TRPS1: variants seen among roughly 807,000 people sequenced by gnomAD.
TRPS1 encodes zinc finger transcription factor Trps1.
In TRPS1, 6 loss-of-function variants were observed where a neutral mutation model predicts 101.2. That is an observed-to-expected ratio of 0.06 (90% CI 0.03 to 0.12). The LOEUF is 0.12. Among genes scored for constraint, TRPS1 ranks in the 10% least tolerant of loss-of-function variants. The pLI, the probability that TRPS1 is intolerant of heterozygous loss-of-function variation, is 1.00. For synonymous variants in TRPS1, 578 were observed against 589.8 expected (o/e 0.98, Z 0.29); for missense variants, 1,363 against 1,567.0 (o/e 0.87, Z 2.20).
At chr8:115,415,700 G>A (rs1812902919) in intron 6 of TRPS1, among the ~76,000 whole-genome samples, 1 of 152,126 alleles carries the variant, frequency 6.6e-6, no homozygotes, top group Non-Finnish European at 1.5e-5. Context: ...CTATGTGAGG[G>A]CACAGATAGA....
chr8:115,500,570 T>TGTGTG (rs1815291403), intron 5 of TRPS1, among the ~76,000 whole-genome samples: 1 of 152,216 alleles, frequency 6.6e-6, no homozygotes, highest in Non-Finnish European at 1.5e-5. Context: ...TGCCAGTTTA[T>TGTGTG]CACTTGATGT....
chr8:115,649,367 TC>T (rs1811508150), intron 1 of TRPS1, among the ~76,000 whole-genome samples: 1 of 152,192 alleles, frequency 6.6e-6, no homozygotes. Context: ...AGAGGGAGCC[TC>T]AGCTCTTAGG....
intron 5 of TRPS1, among the ~76,000 whole-genome samples, chr8:115,499,925 T>G (rs1815261699): frequency 2.1e-5 from 2 of 95,456 alleles, no homozygotes. Flanking sequence ...ATTTCTTTCT[T>G]TCTTTCTTTC....
intron 1 of TRPS1, among the ~76,000 whole-genome samples, chr8:115,651,182 A>T (rs1358042159): frequency 1.3e-5 from 2 of 152,202 alleles, no homozygotes; most frequent in African/African-American, 4.8e-5. Flanking sequence ...GTAAAGTACA[A>T]GGCTGCCTGT....
chr8:115,449,731 C>G (rs952674087), intron 5 of TRPS1, among the ~76,000 whole-genome samples: 1 of 152,146 alleles, frequency 6.6e-6, no homozygotes, highest in East Asian at 1.9e-4. Context: ...GTTTTCTTAT[C>G]TGCCTGTTTA....
intron 3 of TRPS1, among the ~76,000 whole-genome samples, chr8:115,613,545 T>C (rs534583184): frequency 2.6e-5 from 4 of 152,328 alleles, no homozygotes; most frequent in African/African-American, 9.6e-5. Flanking sequence ...ATCAGTGTGG[T>C]TGTGAAGACA....
At chr8:115,653,806 C>T (rs1418055629) in intron 1 of TRPS1, among the ~76,000 whole-genome samples, 5 of 152,194 alleles carry the variant, frequency 3.3e-5, no homozygotes, top group Non-Finnish European at 5.9e-5. Context: ...CAAATACAGA[C>T]CCTGGACCAG....
At chr8:115,610,645 T>C (rs771496705) in intron 3 of TRPS1, among the ~76,000 whole-genome samples, 32 of 152,192 alleles carry the variant, frequency 2.1e-4, no homozygotes, top group African/African-American at 2.4e-4. Flanking sequence ...ACTGGGCACA[T>C]TGAAGAAGAA....
intron 5 of TRPS1, among the ~76,000 whole-genome samples, chr8:115,431,760 T>C (rs1318099795): frequency 1.3e-5 from 2 of 151,886 alleles, no homozygotes; most frequent in South Asian, 2.1e-4. Flanking sequence ...AATATAAAAA[T>C]AGATATTTGA....
At position 115,418,465 on chromosome 8, in the gene TRPS1, A is replaced by T; in HGVS notation, c.2701-13T>A. ...AGCCTCTACGCCTCTGAAACAGGGGAAAAAAACCAAGGTCAGAGGTGAGTC... is the reference window on the plus strand; with the variant it reads ...AGCCTCTACGCCTCTGAAACAGGGGTAAAAAACCAAGGTCAGAGGTGAGTC... On this transcript the variant is annotated splice_polypyrimidine_tract_variant and intron_variant, in intron 5 of 6. Coordinates refer to ENST00000395715, the MANE Select transcript of TRPS1 (RefSeq NM_014112.5). This position sits in a 1 kb window ranked among gnomAD's most constrained non-coding sequence, Gnocchi z 4.3. 1.2e-6 allele frequency: 2 copies of T among 1,613,990 alleles called. No homozygotes were observed. The highest frequency in any genetic ancestry group is 1.3e-5 in the African/African-American group (1 of 75,030).
intron 5 of TRPS1, among the ~76,000 whole-genome samples, chr8:115,518,273 C>T (rs937846444): frequency 6.6e-6 from 1 of 151,672 alleles, no homozygotes; most frequent in African/African-American, 2.4e-5. Flanking sequence ...AGGAAACTAT[C>T]CTATAACATC....
intron 5 of TRPS1, among the ~76,000 whole-genome samples, chr8:115,475,295 TATATATATA>T (rs1814576336): frequency 8.9e-6 from 1 of 112,956 alleles, no homozygotes; most frequent in African/African-American, 2.8e-5. Flanking sequence ...TATATATATA[TATATATATA>T]TTTGTTATCA....
In TRPS1 at chr8:115,607,489, G is replaced by T. The variant is rs140671788; in HGVS notation, c.967-2487C>A. ...TTCATTATTTAAGAAGCTTTTAAGG[G>T]CTATATATTTTAATTATGCTGAAGA... On this transcript the variant is annotated intron_variant, in intron 3 of 6. Transcript: ENST00000395715. Among the ~76,000 whole-genome samples the T allele has an allele frequency of 6.6e-5, 10 of 151,536 alleles. No individual in the cohort carries two copies. In the East Asian group the frequency reaches 1.9e-3, roughly 29 times the overall value.
intron 5 of TRPS1, among the ~76,000 whole-genome samples, chr8:115,581,587 A>T (rs1817454414): frequency 6.6e-6 from 1 of 151,720 alleles, no homozygotes; most frequent in Non-Finnish European, 1.5e-5. Context: ...AGACTTATAG[A>T]AAAGAAATTA....
intron 5 of TRPS1, among the ~76,000 whole-genome samples, chr8:115,537,991 T>G (rs1816363005): frequency 6.6e-6 from 1 of 152,220 alleles, no homozygotes; most frequent in South Asian, 2.1e-4. Flanking sequence ...ATCATGAGGT[T>G]AAAATCTCCC....
At chr8:115,426,245 A>G (rs1813183509) in intron 5 of TRPS1, among the ~76,000 whole-genome samples, 1 of 152,186 alleles carries the variant, frequency 6.6e-6, no homozygotes, top group Non-Finnish European at 1.5e-5. Flanking sequence ...AGCACCTCTT[A>G]AACTTCAGTG....
chr8:115,489,753 T>G (rs1361810243), intron 5 of TRPS1, among the ~76,000 whole-genome samples: 2 of 152,114 alleles, frequency 1.3e-5, no homozygotes, highest in African/African-American at 4.8e-5. Flanking sequence ...TTAAAAGAGC[T>G]CCTTTAAAAT....
chr8:115,619,925 T>C lies in TRPS1; in HGVS notation c.173A>G (p.Asn58Ser), dbSNP rs1818355406. The C allele has an allele frequency of 1.9e-6, 3 of 1,614,088 alleles. No individual in the cohort carries two copies. Among genetic ancestry groups the C allele is most frequent in the African/African-American group, 1.3e-5 (1 of 74,938 alleles). The change falls in exon 3 of 7, where the codon AAT (asparagine) becomes AGT (serine). Residue 58 changes from asparagine (N) to serine (S), a missense_variant. Physicochemically the swap from Asn to Ser is conservative, Grantham distance 46. Coordinates refer to ENST00000395715, the MANE Select transcript of TRPS1 (RefSeq NM_014112.5). ...KEFSADQMSE[N>S]TDQSDAAELN... ...TTCTGCAGCATCACTCTGATCCGTA[T>C]TTTCTGACATCTGATCTGCAGAAAA...
chr8:115,613,354 G>A (rs1209789044), intron 3 of TRPS1, among the ~76,000 whole-genome samples: 4 of 152,138 alleles, frequency 2.6e-5, no homozygotes, highest in Non-Finnish European at 5.9e-5. Flanking sequence ...ACACTACACG[G>A]AGCAGATAGC....
Sources: gnomAD v4.1 joint callset for allele counts (sites outside exome capture counted in the v4.1 genomes callset) on GRCh38, gnomAD v4.1.1 for gene constraint, Gnocchi (gnomAD v3.1) non-coding constraint, MANE v1.5 for transcripts, NCBI Gene and HGNC (gene_info 2026-07-23, HGNC 2026-07-21) for gene names.